The following RORA variants were observed in gnomAD, a reference collection of about 807,000 sequenced individuals.
The protein encoded by RORA is RAR related orphan receptor A.
In RORA, 7 loss-of-function variants were observed where a neutral mutation model predicts 69.5. The observed-to-expected ratio is 0.10, with a 90% CI of 0.06 to 0.19. The LOEUF (loss-of-function observed/expected upper bound fraction) is 0.19, where lower values mean the gene tolerates loss of function less well. Among genes scored for constraint, RORA ranks in the 10% least tolerant of loss-of-function variants. The probability of loss-of-function intolerance (pLI) is 1.00; values close to 1 mark genes in which losing one functional copy is unlikely to be tolerated. For missense variants in RORA, 457 were observed against 663.0 expected, an observed-to-expected ratio of 0.69 and a Z score of 3.41; for synonymous variants, 261 against 240.8, an observed-to-expected ratio of 1.08 and a Z score of -0.78.
At chr15:60,765,943 G>A (rs2071982466) in intron 1 of RORA, among the ~76,000 whole-genome samples, 1 of 151,964 alleles carries the variant, frequency 6.6e-6, no homozygotes, top group Non-Finnish European at 1.5e-5. Context: ...AGAGAAGAAG[G>A]CAAGAAACCG....
intron 1 of RORA, among the ~76,000 whole-genome samples, chr15:60,950,485 C>G (rs1370658539): frequency 8.2e-6 from 1 of 121,842 alleles, no homozygotes; most frequent in African/African-American, 3.2e-5. Context: ...TTAAAAGACA[C>G]AGACTGGCAA....
At chr15:61,115,304 C>A (rs1026184161) in intron 1 of RORA, among the ~76,000 whole-genome samples, 1 of 151,994 alleles carries the variant, frequency 6.6e-6, no homozygotes, top group Non-Finnish European at 1.5e-5. Flanking sequence ...TAAATAGGAG[C>A]CACATTCAAG....
intron 1 of RORA, chr15:60,763,937 T>C (rs2071940134): frequency 6.6e-6 from 1 of 152,116 alleles, no homozygotes; most frequent in South Asian, 2.1e-4. Flanking sequence ...AGGGCTGGTG[T>C]CTCTCATTAC....
chr15:60,600,008 T>C (rs2068777795), intron 2 of RORA, among the ~76,000 whole-genome samples: 1 of 152,244 alleles, frequency 6.6e-6, no homozygotes, highest in African/African-American at 2.4e-5. Context: ...CAGAGCATTT[T>C]AGGATGAACA....
intron 1 of RORA, among the ~76,000 whole-genome samples, chr15:61,185,519 T>A (rs1351345052): frequency 1.3e-5 from 2 of 152,208 alleles, no homozygotes; most frequent in Admixed American, 6.5e-5. Flanking sequence ...AACCTTAGGA[T>A]AGCTCCTAAA....
At chr15:61,179,422 G>A (rs918303013) in intron 1 of RORA, among the ~76,000 whole-genome samples, 2 of 152,242 alleles carry the variant, frequency 1.3e-5, no homozygotes, top group Middle Eastern at 3.4e-3. Flanking sequence ...CTTCTAACTG[G>A]TTTTTGTTTT....
chr15:60,525,270 G>A (rs2066312835), intron 3 of RORA, among the ~76,000 whole-genome samples: 1 of 151,860 alleles, frequency 6.6e-6, no homozygotes, highest in Non-Finnish European at 1.5e-5. Flanking sequence ...TCCTACTGGA[G>A]TTTTAATAGT....
intron 3 of RORA, 52 bp from the exon 4 acceptor site, chr15:60,514,809 T>C: frequency 1.4e-6 from 2 of 1,477,250 alleles, no homozygotes; most frequent in Non-Finnish European, 9.4e-7. Context: ...ATGAGTGGTA[T>C]GATACTAAAG....
intron 1 of RORA, among the ~76,000 whole-genome samples, chr15:60,780,624 G>A (rs1338917786): frequency 2.6e-5 from 4 of 152,126 alleles, no homozygotes; most frequent in Non-Finnish European, 5.9e-5. Context: ...CTTGATAGAT[G>A]AGCACAATGA....
chr15:60,767,191 T>C (rs2140877900), intron 1 of RORA, among the ~76,000 whole-genome samples: 1 of 152,244 alleles, frequency 6.6e-6, no homozygotes, highest in African/African-American at 2.4e-5. Flanking sequence ...GGGATATATA[T>C]TTTTTTCTAG....
chr15:60,540,340 A>G (rs1281702519), intron 2 of RORA, among the ~76,000 whole-genome samples: 1 of 152,196 alleles, frequency 6.6e-6, no homozygotes, highest in African/African-American at 2.4e-5. Flanking sequence ...AAACCATACC[A>G]AATCTGGTGA....
intron 3 of RORA, among the ~76,000 whole-genome samples, chr15:60,525,150 A>T (rs2066307564): frequency 6.6e-6 from 1 of 152,244 alleles, no homozygotes. Context: ...ACAATGGTTC[A>T]GATGAGGGAG....
chr15:60,802,943 TTTTG>T (rs1228334981), intron 1 of RORA, among the ~76,000 whole-genome samples: 3 of 145,704 alleles, frequency 2.1e-5, no homozygotes, highest in African/African-American at 7.7e-5. Context: ...AACCTAAATG[TTTTG>T]TTTCTTTTTT....
intron 1 of RORA, among the ~76,000 whole-genome samples, chr15:61,186,353 T>C (rs192770800): frequency 9.9e-4 from 150 of 152,242 alleles, no homozygotes; most frequent in African/African-American, 3.5e-3. Context: ...AGAATCCAGA[T>C]GCCCTGGCCA....
At chr15:61,184,961 G>A (rs141288521) in intron 1 of RORA, among the ~76,000 whole-genome samples, 1,782 of 147,030 alleles carry the variant, frequency 0.012, 16 homozygotes, top group Middle Eastern at 0.053. Context: ...CTCCAGCCTG[G>A]GCAAAGGAGC....
chr15:60,592,274 C>T, intron 2 of RORA: 4 of 736,564 alleles, frequency 5.4e-6, no homozygotes, highest in Non-Finnish European at 5.5e-6. Flanking sequence ...CGCGCCGAGC[C>T]CCGGGCAGTA....
intron 1 of RORA, among the ~76,000 whole-genome samples, chr15:61,050,443 A>G (rs1897240661): frequency 1.3e-5 from 2 of 152,244 alleles, no homozygotes; most frequent in African/African-American, 4.8e-5. Context: ...TAATAATTAC[A>G]GTCAATAACT....
intron 1 of RORA, among the ~76,000 whole-genome samples, chr15:60,834,077 G>A (rs142912018): frequency 4.6e-5 from 7 of 152,296 alleles, no homozygotes; most frequent in Middle Eastern, 3.4e-3. Flanking sequence ...GTGAATGACA[G>A]CCCCATAAAT....
intron 1 of RORA, among the ~76,000 whole-genome samples, chr15:60,860,656 T>G (rs2073428343): frequency 6.6e-6 from 1 of 152,226 alleles, no homozygotes; most frequent in Non-Finnish European, 1.5e-5. Flanking sequence ...CCTTATTCGC[T>G]AAATTCCCTT....
Sources: allele counts gnomAD v4.1 joint callset (sites outside exome capture counted in the v4.1 genomes callset), GRCh38; gene constraint gnomAD v4.1.1; transcripts MANE v1.5; gene names NCBI Gene and HGNC (gene_info 2026-07-23, HGNC 2026-07-21).